PTPRS: variants seen among roughly 807,000 people sequenced by gnomAD.
The protein encoded by PTPRS is receptor-type tyrosine-protein phosphatase S.
In PTPRS, 63 loss-of-function variants were observed where a neutral mutation model predicts 215.3. That is an observed-to-expected ratio of 0.29 (90% confidence interval 0.24 to 0.36). PTPRS has a LOEUF of 0.36. Among genes scored for constraint, PTPRS ranks in the 10% least tolerant of loss-of-function variants. The probability of loss-of-function intolerance (pLI) is 1.00; values close to 1 mark genes in which losing one functional copy is unlikely to be tolerated. For synonymous variants in PTPRS, 1,404 were observed against 1,191.4 expected, an observed-to-expected ratio of 1.18 and a Z score of -3.68; for missense variants, 2,258 against 2,825.8, an observed-to-expected ratio of 0.80 and a Z score of 4.56.
rs1056953199 is a variant in PTPRS at position 5,210,135 on chromosome 19, CT to C, written c.5487+333del. 2.0e-5 allele frequency among the ~76,000 whole-genome samples: 3 copies of C among 152,200 alleles called. No individual in the cohort carries two copies. Among genetic ancestry groups the C allele is most frequent in the African/African-American group, 7.2e-5 (3 of 41,448 alleles). Reference sequence around the variant, plus strand: ...TCTCCTTGTCCACCGTCTACCACCCCTCACCCTCAATCCCTCAAGTCCCTTT... The same window carrying C: ...TCTCCTTGTCCACCGTCTACCACCCCCACCCTCAATCCCTCAAGTCCCTTT... On this transcript the variant is annotated intron_variant, in intron 35 of 37. Transcript: ENST00000262963. The surrounding 1 kb of genome is among the most constrained non-coding windows in gnomAD (Gnocchi z 4.5).
intron 13 of PTPRS, among the ~76,000 whole-genome samples, chr19:5,233,600 G>C (rs1456446541): frequency 6.6e-6 from 1 of 151,276 alleles, no homozygotes; most frequent in Non-Finnish European, 1.5e-5. Context: ...CCACTTATCA[G>C]GTACCTACTG....
rs1555768237 is a variant in PTPRS at position 5,236,849 on chromosome 19, GA to G, written c.1849+2069del. Among the ~76,000 whole-genome samples, 598 of 128,260 alleles carry G rather than the reference GA, an allele frequency of 4.7e-3. 3 individuals carry two copies. The highest frequency in any genetic ancestry group is 7.2e-3 in the African/African-American group (230 of 32,122). The allele number at this position is 128,260 out of a possible 152,430, so 84.1% of individuals were successfully genotyped here. The stretch of plus-strand genomic sequence containing the variant: ...CGGGGAATCAGGCAGGGAGCAGGGG[GA>G]AAAAAAAAAAAAAAACAACAATCAA... On this transcript the variant is annotated intron_variant, in intron 13 of 37. Coordinates refer to ENST00000262963, the MANE Select transcript of PTPRS (RefSeq NM_002850.4).
rs978677881 is a variant in PTPRS at position 5,210,651 on chromosome 19, C to G, written c.5361+28G>C. On this transcript the variant is annotated intron_variant, in intron 34 of 37. Coordinates refer to ENST00000262963, the MANE Select transcript of PTPRS (RefSeq NM_002850.4). This position sits in a 1 kb window ranked among gnomAD's most constrained non-coding sequence, Gnocchi z 4.5. ...TGTCTGAGCCACAGTCTGGCCCTCGCCCTTCCCTGCTGTGGCCCCTAGCTC... is the reference window on the plus strand; with the variant it reads ...TGTCTGAGCCACAGTCTGGCCCTCGGCCTTCCCTGCTGTGGCCCCTAGCTC... The G allele has an allele frequency of 1.2e-6, 2 of 1,614,080 alleles. No homozygotes were observed. Among genetic ancestry groups the G allele is most frequent in the Non-Finnish European group, 8.5e-7 (1 of 1,180,002 alleles).
chr19:5,269,174 G>A (rs1356973146), intron 4 of PTPRS, among the ~76,000 whole-genome samples: 2 of 152,076 alleles, frequency 1.3e-5, no homozygotes, highest in East Asian at 1.9e-4. Flanking sequence ...GCATGTATGT[G>A]CTCACGCTTG....
In PTPRS at chr19:5,215,774, C is replaced by T. The variant is rs541291724; in HGVS notation, c.4097-179G>A. ...GGGTGGCTCATGAAGGGGCTGGGACCCCAGGCCTAGGGGACTCTAAAGGCA... is the reference window on the plus strand; with the variant it reads ...GGGTGGCTCATGAAGGGGCTGGGACTCCAGGCCTAGGGGACTCTAAAGGCA... On this transcript the variant is annotated intron_variant, in intron 26 of 37. Coordinates refer to ENST00000262963, the MANE Select transcript of PTPRS (RefSeq NM_002850.4). Among the ~76,000 whole-genome samples the T allele has an allele frequency of 1.7e-3, 265 of 152,184 alleles. 1 individual carries two copies. The highest frequency in any genetic ancestry group is 3.4e-3 in the Middle Eastern group (1 of 294).
chr19:5,232,312 CAGA>C (rs1020959705), intron 13 of PTPRS, among the ~76,000 whole-genome samples: 2 of 148,270 alleles, frequency 1.3e-5, no homozygotes, highest in African/African-American at 5.0e-5. Context: ...GAAACAGCAA[CAGA>C]AGCTCCATTT....
At chr19:5,229,177 G>T (rs2042782324) in intron 16 of PTPRS, 139 bp downstream of exon 16, 1 of 995,160 alleles carries the variant, frequency 1.0e-6, no homozygotes, top group East Asian at 3.3e-5. Context: ...AGAGGTAATG[G>T]GAGAGCGAGG....
At chr19:5,227,870 C>T (rs967579878) in intron 16 of PTPRS, among the ~76,000 whole-genome samples, 7 of 152,106 alleles carry the variant, frequency 4.6e-5, no homozygotes, top group African/African-American at 9.7e-5. Context: ...CCCGGGCACG[C>T]GGACTTGCAC....
At chr19:5,218,907 CT>C in intron 23 of PTPRS, 109 bp from the exon 24 acceptor site, 2 of 1,199,756 alleles carry the variant, frequency 1.7e-6, no homozygotes, top group South Asian at 3.0e-5. Context: ...TCCTTAACCT[CT>C]GTGAGCTTTG....
chr19:5,229,375 G>C (rs779192350), intron 15 of PTPRS, 33 bp from the exon 16 acceptor site: 37 of 1,373,698 alleles, frequency 2.7e-5, no homozygotes, highest in Non-Finnish European at 3.3e-5. Context: ...GGGGAGAGAG[G>C]AGGAAGGTGA....
intron 16 of PTPRS, among the ~76,000 whole-genome samples, chr19:5,226,172 C>T (rs1014538460): frequency 5.9e-5 from 9 of 152,206 alleles, no homozygotes; most frequent in African/African-American, 1.2e-4. Context: ...AGTCAGGGTC[C>T]GTCCCCGCTC....
At chr19:5,265,410 T>G (rs1253984781) in intron 4 of PTPRS, among the ~76,000 whole-genome samples, 1 of 152,132 alleles carries the variant, frequency 6.6e-6, no homozygotes, top group Non-Finnish European at 1.5e-5. Flanking sequence ...GGCTCGATCA[T>G]AGCTCACCGC....
At chr19:5,303,458 G>C (rs1042488596) in intron 1 of PTPRS, among the ~76,000 whole-genome samples, 1 of 152,186 alleles carries the variant, frequency 6.6e-6, no homozygotes, top group African/African-American at 2.4e-5. Context: ...GATCAAGGCA[G>C]ATAACCTCTC....
chr19:5,305,871 C>T (rs141500222), intron 1 of PTPRS, among the ~76,000 whole-genome samples: 3,555 of 116,600 alleles, frequency 0.03, 133 homozygotes, highest in East Asian at 0.19. Flanking sequence ...ACCCGGAAGG[C>T]GGAGGTTGCA....
chr19:5,208,378 C>A lies in PTPRS; in HGVS notation c.5501G>T (p.Arg1834Leu). The A allele has an allele frequency of 1.2e-6, 2 of 1,601,146 alleles. No homozygotes were observed. Among genetic ancestry groups the A allele is most frequent in the Non-Finnish European group, 1.7e-6 (2 of 1,173,344 alleles). ...TGTGAACTGGAACTGCCGGACAGTC[C>A]GGGACTGGCCATCCTAGAGTGCAGA... ...KVTDARDGQSRTVRQFQFTDW... is the reference protein window; with the variant it reads ...KVTDARDGQSLTVRQFQFTDW... Residue 1834 changes from arginine to leucine, a missense_variant, in exon 36 of 38, where the codon CGG becomes CTG. Physicochemically the swap from Arg to Leu is moderately radical, Grantham distance 102. Transcript: ENST00000262963.
intron 30 of PTPRS, among the ~76,000 whole-genome samples, chr19:5,213,099 G>A (rs10416747): frequency 0.99 from 150,288 of 152,286 alleles, 74,163 homozygotes; most frequent in East Asian, 1. Flanking sequence ...CACCTCACCC[G>A]GGACTGTCGG....
chr19:5,290,286 C>A (rs1425703661), intron 1 of PTPRS, among the ~76,000 whole-genome samples: 1 of 152,212 alleles, frequency 6.6e-6, no homozygotes, highest in Non-Finnish European at 1.5e-5. Flanking sequence ...CCAAGGCCCC[C>A]AGCTGGGGTG....
intron 26 of PTPRS, among the ~76,000 whole-genome samples, chr19:5,216,271 G>T (rs955471323): frequency 6.6e-6 from 1 of 152,046 alleles, no homozygotes; most frequent in African/African-American, 2.4e-5. Context: ...GTGTGGGCTC[G>T]GTTCTCCCTT....
chr19:5,298,671 C>G (rs985410184), intron 1 of PTPRS, among the ~76,000 whole-genome samples: 4 of 152,228 alleles, frequency 2.6e-5, no homozygotes, highest in Non-Finnish European at 5.9e-5. Flanking sequence ...CGGGTCTACC[C>G]GCCAGCCGCA....
Sources: gnomAD v4.1 joint callset for allele counts (sites outside exome capture counted in the v4.1 genomes callset) on GRCh38, gnomAD v4.1.1 for gene constraint, Gnocchi (gnomAD v3.1) non-coding constraint, MANE v1.5 for transcripts, NCBI Gene and HGNC (gene_info 2026-07-23, HGNC 2026-07-21) for gene names.